EYS: variants seen among roughly 807,000 people sequenced by gnomAD.
The protein encoded by EYS is EGF-like photoreceptor maintenance factor, also known as protein eyes shut homolog.
A neutral mutation model predicts 282.1 loss-of-function variants in EYS; 250 were observed. That is an observed-to-expected ratio of 0.89 (90% CI 0.80 to 0.98). EYS has a LOEUF of 0.98. Ranked by LOEUF, EYS falls within the 50% of genes least tolerant of loss-of-function variation. The probability of loss-of-function intolerance (pLI) is 0.00; values close to 1 mark genes in which losing one functional copy is unlikely to be tolerated. For missense variants in EYS, 4,016 were observed against 3,709.0 expected, an observed-to-expected ratio of 1.08 and a Z score of -2.15; for synonymous variants, 1,355 against 1,282.9, an observed-to-expected ratio of 1.06 and a Z score of -1.20.
chr6:64,276,558 G>C (rs1055079343), intron 30 of EYS, among the ~76,000 whole-genome samples: 1 of 152,138 alleles, frequency 6.6e-6, no homozygotes, highest in Non-Finnish European at 1.5e-5. Context: ...ACAGGAAATT[G>C]TAGAATATTC....
intron 28 of EYS, among the ~76,000 whole-genome samples, chr6:64,429,383 AACTTTGGG>A (rs1774510322): frequency 6.6e-6 from 1 of 152,110 alleles, no homozygotes; most frequent in South Asian, 2.1e-4. Flanking sequence ...GTAATCCCAG[AACTTTGGG>A]AAGCCAAGGC....
chr6:65,158,428 A>G (rs1314984106), intron 12 of EYS, among the ~76,000 whole-genome samples: 3 of 151,064 alleles, frequency 2.0e-5, no homozygotes, highest in East Asian at 2.0e-4. Context: ...ATTAATGCCC[A>G]GTAACATTCT....
At chr6:64,069,138 C>T (rs1771480401) in intron 32 of EYS, among the ~76,000 whole-genome samples, 2 of 151,958 alleles carry the variant, frequency 1.3e-5, no homozygotes, top group East Asian at 1.9e-4. Context: ...GTCCTGCTGA[C>T]AGCTTGACTT....
intron 35 of EYS, among the ~76,000 whole-genome samples, chr6:63,910,313 G>T (rs955585833): frequency 6.6e-6 from 1 of 152,158 alleles, no homozygotes; most frequent in Non-Finnish European, 1.5e-5. Flanking sequence ...TGAAGGGGAG[G>T]TTGGGGCTAC....
Position 64,425,426 on chromosome 6 carries a change from G to A in EYS, c.5927+10748C>T, listed in dbSNP as rs779711930. Among the ~76,000 whole-genome samples the A allele has an allele frequency of 1.1e-4, 16 of 151,938 alleles. 1 individual carries two copies. The highest frequency in any genetic ancestry group is 2.1e-4 in the South Asian group (1 of 4,820). On this transcript the variant is annotated intron_variant, in intron 28 of 42. Transcript: ENST00000503581. ...TCCCAGCACTTTGGGAGGCCGAGGC[G>A]GGAGGATCACCCAAGGTCAAGAGTT...
At chr6:64,882,622 G>A (rs913280163) in intron 19 of EYS, among the ~76,000 whole-genome samples, 2 of 151,576 alleles carry the variant, frequency 1.3e-5, no homozygotes, top group Non-Finnish European at 3.0e-5. Flanking sequence ...TAGACTTATA[G>A]TTATCAATCA....
chr6:64,818,049 G>T (rs997423366), intron 21 of EYS, among the ~76,000 whole-genome samples: 1 of 151,992 alleles, frequency 6.6e-6, no homozygotes, highest in East Asian at 1.9e-4. Flanking sequence ...TCTGTAATTA[G>T]TTTTTTCCAT....
At chr6:65,450,793 C>T (rs1043944896) in intron 5 of EYS, among the ~76,000 whole-genome samples, 1 of 152,126 alleles carries the variant, frequency 6.6e-6, no homozygotes, top group South Asian at 2.1e-4. Flanking sequence ...CCACATCCAA[C>T]ACCTAAGAAA....
chr6:64,913,046 A>G (rs1768049343), intron 15 of EYS, among the ~76,000 whole-genome samples: 1 of 152,038 alleles, frequency 6.6e-6, no homozygotes, highest in South Asian at 2.1e-4. Flanking sequence ...CAATTGAGCA[A>G]AATTTTCCTA....
At chr6:64,628,820 A>T (rs1469781055) in intron 22 of EYS, among the ~76,000 whole-genome samples, 1 of 152,166 alleles carries the variant, frequency 6.6e-6, no homozygotes, top group African/African-American at 2.4e-5. Context: ...TTTTAATATA[A>T]TTTGTATTTT....
intron 28 of EYS, among the ~76,000 whole-genome samples, chr6:64,408,834 C>T (rs575949334): frequency 2.6e-5 from 4 of 152,218 alleles, no homozygotes; most frequent in East Asian, 1.9e-4. Context: ...TACATGTGCA[C>T]GCTTGTTACA....
chr6:65,685,410 C>T (rs546241044), intron 1 of EYS, among the ~76,000 whole-genome samples: 11 of 152,106 alleles, frequency 7.2e-5, no homozygotes, highest in Non-Finnish European at 1.0e-4. Context: ...ATAAACTAGA[C>T]ATTTTAATGT....
chr6:64,501,697 GATAAGTATCATTAGTCAC>G (rs1777050023), intron 26 of EYS, among the ~76,000 whole-genome samples: 1 of 152,114 alleles, frequency 6.6e-6, no homozygotes, highest in African/African-American at 2.4e-5. Flanking sequence ...CGTAAAACCA[GATAAGTATCATTAGTCAC>G]TAATGAGAAG....
At chr6:64,662,028 A>G (rs564758340) in intron 22 of EYS, among the ~76,000 whole-genome samples, 1 of 152,208 alleles carries the variant, frequency 6.6e-6, no homozygotes, top group African/African-American at 2.4e-5. Flanking sequence ...CATGGCACAT[A>G]TACACCATGG....
chr6:64,924,284 T>C (rs1460365524), intron 15 of EYS, among the ~76,000 whole-genome samples: 4 of 152,284 alleles, frequency 2.6e-5, no homozygotes, highest in Non-Finnish European at 5.9e-5. Flanking sequence ...CTTTCAGCTA[T>C]GGATGGAGCA....
At chr6:65,616,721 G>T (rs1048588285) in intron 2 of EYS, among the ~76,000 whole-genome samples, 16 of 151,840 alleles carry the variant, frequency 1.1e-4, no homozygotes, top group African/African-American at 3.6e-4. Flanking sequence ...GGGAGGTCAA[G>T]GTTGCAGTGA....
At position 64,276,005 on chromosome 6, in the gene EYS, A is replaced by G. The variant is rs573888293; in HGVS notation, c.6191+30965T>C. On this transcript the variant is annotated intron_variant, in intron 30 of 42. Coordinates refer to ENST00000503581, the MANE Select transcript of EYS (RefSeq NM_001142800.2). ...TTATTGCCTTAAGAGATACATTCCA[A>G]TCACACTACTGTTATAGCTTCTTAT... Among the ~76,000 whole-genome samples, 3 of 152,042 alleles carry G rather than the reference A, an allele frequency of 2.0e-5. No individual in the cohort carries two copies. The South Asian group carries it at 6.2e-4, about 32-fold the overall frequency.
intron 2 of EYS, among the ~76,000 whole-genome samples, chr6:65,631,312 G>T (rs1766901702): frequency 6.6e-6 from 1 of 152,112 alleles, no homozygotes; most frequent in Admixed American, 6.5e-5. Context: ...GTGAGGTGGG[G>T]TGGAAGAATG....
intron 29 of EYS, among the ~76,000 whole-genome samples, chr6:64,367,247 T>C (rs886867354): frequency 2.4e-4 from 36 of 152,052 alleles, no homozygotes; most frequent in African/African-American, 8.7e-4. Flanking sequence ...AAATGGCTCA[T>C]GAGAATCTCA....
Sources: gnomAD v4.1 joint callset for allele counts (sites outside exome capture counted in the v4.1 genomes callset) on GRCh38, gnomAD v4.1.1 for gene constraint, MANE v1.5 for transcripts, NCBI Gene and HGNC (gene_info 2026-07-23, HGNC 2026-07-21) for gene names.